EYA4: variants seen among roughly 807,000 people sequenced by gnomAD.
The protein encoded by EYA4 is protein phosphatase EYA4.
A neutral mutation model predicts 87.9 loss-of-function variants in EYA4; 31 were observed. That is an observed-to-expected ratio of 0.35 (90% CI 0.27 to 0.48). The LOEUF (loss-of-function observed/expected upper bound fraction) is 0.48, where lower values mean the gene tolerates loss of function less well. Among genes scored for constraint, EYA4 ranks in the 20% least tolerant of loss-of-function variants. The probability of loss-of-function intolerance (pLI) is 0.99; values close to 1 mark genes in which losing one functional copy is unlikely to be tolerated. For missense variants in EYA4, 678 were observed against 761.4 expected (o/e 0.89, Z 1.29); for synonymous variants, 263 against 270.6 (o/e 0.97, Z 0.28).
intron 13 of EYA4, among the ~76,000 whole-genome samples, chr6:133,503,356 A>T (rs1798303768): frequency 6.6e-6 from 1 of 152,246 alleles, no homozygotes; most frequent in Non-Finnish European, 1.5e-5. Flanking sequence ...CAATAATGGT[A>T]TTTAAAACTT....
chr6:133,485,575 G>A (rs1796621701), intron 13 of EYA4, among the ~76,000 whole-genome samples: 2 of 152,198 alleles, frequency 1.3e-5, no homozygotes, highest in South Asian at 2.1e-4. Context: ...ACATCGCATG[G>A]CCTGGACAGT....
chr6:133,379,193 A>G (rs1008144738), intron 2 of EYA4, among the ~76,000 whole-genome samples: 1 of 152,046 alleles, frequency 6.6e-6, no homozygotes, highest in African/African-American at 2.4e-5. Flanking sequence ...GATGGCTTAC[A>G]CTAGGGAGTT....
At chr6:133,402,223 A>G (rs1213774139) in intron 3 of EYA4, among the ~76,000 whole-genome samples, 1 of 152,098 alleles carries the variant, frequency 6.6e-6, no homozygotes, top group Non-Finnish European at 1.5e-5. Flanking sequence ...TGTAAAATTA[A>G]CACGTACAGC....
chr6:133,518,810 T>G (rs1393645652), intron 17 of EYA4, among the ~76,000 whole-genome samples: 1 of 152,008 alleles, frequency 6.6e-6, no homozygotes, highest in Non-Finnish European at 1.5e-5. Flanking sequence ...CAGACCACAG[T>G]GCAATCAAAC....
intron 19 of EYA4, among the ~76,000 whole-genome samples, chr6:133,525,479 T>C (rs1010567241): frequency 6.6e-5 from 10 of 152,216 alleles, no homozygotes; most frequent in African/African-American, 2.4e-4. Context: ...GTTATATTTA[T>C]TTATGTGTTT....
chr6:133,319,797 G>A (rs1397706743), intron 2 of EYA4, among the ~76,000 whole-genome samples: 3 of 150,880 alleles, frequency 2.0e-5, no homozygotes, highest in Admixed American at 1.3e-4. Context: ...GCTCACTGCA[G>A]CCTCAATTTC....
chr6:133,483,698 G>GTTGTTATTATTA (rs367992580), intron 13 of EYA4, among the ~76,000 whole-genome samples: 48 of 134,394 alleles, frequency 3.6e-4, no homozygotes, highest in Admixed American at 1.1e-3. Context: ...TTATTTCATT[G>GTTGTTATTATTA]TTATTATTAT....
chr6:133,391,319 T>G (rs763403212), intron 3 of EYA4, among the ~76,000 whole-genome samples: 29 of 144,378 alleles, frequency 2.0e-4, no homozygotes, highest in South Asian at 4.7e-4. Flanking sequence ...AACCTCCACC[T>G]CCCAGGTTCA....
intron 3 of EYA4, among the ~76,000 whole-genome samples, chr6:133,415,067 C>T (rs1230628321): frequency 6.6e-6 from 1 of 152,144 alleles, no homozygotes; most frequent in Non-Finnish European, 1.5e-5. Flanking sequence ...GTAACTAACC[C>T]TGTAACTAAC....
chr6:133,464,876 G>A lies in EYA4; in HGVS notation c.804+18G>A, dbSNP rs1482698260. ...CACAACAGGTATAGTAGCTTTTTGTGTTTATGCTTTTTATATGTATTTCAG... is the reference window on the plus strand; with the variant it reads ...CACAACAGGTATAGTAGCTTTTTGTATTTATGCTTTTTATATGTATTTCAG... On this transcript the variant is annotated intron_variant, in intron 10 of 19. Transcript: ENST00000355286. 1 of 1,557,156 alleles carries A rather than the reference G, an allele frequency of 6.4e-7. No individual in the cohort carries two copies. Among genetic ancestry groups the A allele is most frequent in the South Asian group, 1.1e-5 (1 of 89,762 alleles).
intron 2 of EYA4, among the ~76,000 whole-genome samples, chr6:133,319,991 G>A (rs1232024712): frequency 6.6e-6 from 1 of 152,082 alleles, no homozygotes; most frequent in Non-Finnish European, 1.5e-5. Context: ...AGGATTACAG[G>A]TGTGAGCCAC....
chr6:133,468,837 G>A, intron 11 of EYA4, 106 bp downstream of exon 11: 1 of 1,123,462 alleles, frequency 8.9e-7, no homozygotes, highest in Non-Finnish European at 1.3e-6. Flanking sequence ...CCAGATAATT[G>A]TGCTGATGTT....
intron 13 of EYA4, among the ~76,000 whole-genome samples, chr6:133,494,334 ATTC>A (rs1797440482): frequency 6.6e-6 from 1 of 152,168 alleles, no homozygotes; most frequent in Non-Finnish European, 1.5e-5. Flanking sequence ...AACTTTACAT[ATTC>A]TTACTTATTT....
At chr6:133,404,420 A>T (rs547863143) in intron 3 of EYA4, among the ~76,000 whole-genome samples, 1 of 151,810 alleles carries the variant, frequency 6.6e-6, no homozygotes, top group East Asian at 1.9e-4. Flanking sequence ...GAAAGACAAT[A>T]CCTCCTCTTA....
At chr6:133,458,249 A>C (rs1794072512) in intron 6 of EYA4, among the ~76,000 whole-genome samples, 1 of 152,134 alleles carries the variant, frequency 6.6e-6, no homozygotes, top group African/African-American at 2.4e-5. Context: ...AAAATTAAAA[A>C]TTTTGTTTTT....
chr6:133,266,041 A>G (rs998221199), intron 1 of EYA4, among the ~76,000 whole-genome samples: 3 of 152,216 alleles, frequency 2.0e-5, no homozygotes, highest in Non-Finnish European at 2.9e-5. Context: ...AATAATTTCA[A>G]TGTAATAATT....
chr6:133,494,231 C>T (rs753507808), intron 13 of EYA4, among the ~76,000 whole-genome samples: 6 of 152,150 alleles, frequency 3.9e-5, no homozygotes, highest in Non-Finnish European at 7.3e-5. Context: ...CAGTGGAGTA[C>T]TATTCAGCCA....
chr6:133,273,098 T>TATATATATATATATATAA (rs1554213960), intron 1 of EYA4, among the ~76,000 whole-genome samples: 20 of 83,084 alleles, frequency 2.4e-4, no homozygotes, highest in South Asian at 8.6e-4. Context: ...TATATATATG[T>TATATATATATATATATAA]ATATATATAT....
chr6:133,291,190 G>A (rs1027959118), intron 2 of EYA4, among the ~76,000 whole-genome samples: 1 of 152,164 alleles, frequency 6.6e-6, no homozygotes, highest in Non-Finnish European at 1.5e-5. Context: ...ATGTAACAGA[G>A]TGCATATTTG....
Sources: gnomAD v4.1 joint callset for allele counts (sites outside exome capture counted in the v4.1 genomes callset) on GRCh38, gnomAD v4.1.1 for gene constraint, MANE v1.5 for transcripts, NCBI Gene and HGNC (gene_info 2026-07-23, HGNC 2026-07-21) for gene names.